The following ADCY2 variants were observed in gnomAD, a reference collection of about 807,000 sequenced individuals.
ADCY2 encodes adenylate cyclase type 2.
In ADCY2, 31 loss-of-function variants were observed where a neutral mutation model predicts 125.2. That is an observed-to-expected ratio of 0.25 (90% CI 0.19 to 0.33). The LOEUF (loss-of-function observed/expected upper bound fraction) is 0.33, where lower values mean the gene tolerates loss of function less well. Among genes scored for constraint, ADCY2 ranks in the 10% least tolerant of loss-of-function variants. The pLI is 1.00. For missense variants in ADCY2, 904 were observed against 1,418.2 expected, an observed-to-expected ratio of 0.64 and a Z score of 5.82; for synonymous variants, 512 against 548.4, an observed-to-expected ratio of 0.93 and a Z score of 0.93.
At chr5:7,426,978 A>G (rs753837445) in intron 2 of ADCY2, among the ~76,000 whole-genome samples, 3 of 152,168 alleles carry the variant, frequency 2.0e-5, no homozygotes, top group Non-Finnish European at 4.4e-5. Flanking sequence ...TGCTGCATTC[A>G]TGTCCCAGGG....
chr5:7,823,902 G>A (rs2126544056), intron 24 of ADCY2, among the ~76,000 whole-genome samples: 1 of 152,278 alleles, frequency 6.6e-6, no homozygotes, highest in East Asian at 1.9e-4. Context: ...CTCAGGGCAG[G>A]TCGGCCACCT....
chr5:7,437,016 G>C (rs749524255), intron 2 of ADCY2, among the ~76,000 whole-genome samples: 9 of 152,258 alleles, frequency 5.9e-5, no homozygotes, highest in Non-Finnish European at 1.0e-4. Context: ...CCTCTAAAGG[G>C]GCCACCAGGA....
At chr5:7,516,944 G>A (rs1403384737) in intron 2 of ADCY2, among the ~76,000 whole-genome samples, 2 of 152,108 alleles carry the variant, frequency 1.3e-5, no homozygotes, top group Admixed American at 6.5e-5. Flanking sequence ...GTGGCTGTGA[G>A]GAGAGAATTT....
chr5:7,523,214 G>T (rs1744522526), intron 3 of ADCY2, among the ~76,000 whole-genome samples: 2 of 151,942 alleles, frequency 1.3e-5, no homozygotes, highest in Non-Finnish European at 1.5e-5. Context: ...AAGGGAAAAG[G>T]AAGTACTGCA....
At chr5:7,735,393 C>G (rs2126416658) in intron 14 of ADCY2, among the ~76,000 whole-genome samples, 1 of 152,334 alleles carries the variant, frequency 6.6e-6, no homozygotes, top group African/African-American at 2.4e-5. Flanking sequence ...AGCACACATC[C>G]TTTCTTATTC....
Position 7,826,909 on chromosome 5 carries a change from A to T in ADCY2, c.*38A>T. 1 of 1,572,620 alleles carries T rather than the reference A, an allele frequency of 6.4e-7. No homozygotes were observed. The highest frequency in any genetic ancestry group is 8.6e-7 in the Non-Finnish European group (1 of 1,162,104). On this transcript the variant is annotated 3_prime_UTR_variant, in exon 25 of 25. Coordinates refer to ENST00000338316, the MANE Select transcript of ADCY2 (RefSeq NM_020546.3). The stretch of plus-strand genomic sequence containing the variant: ...ATTTTGGCAAGAAGACTGTATTTTC[A>T]GGAAGGTATCACACACTTTCTGACT...
chr5:7,491,126 G>T (rs78611699), intron 2 of ADCY2, among the ~76,000 whole-genome samples: 7,122 of 152,126 alleles, frequency 0.047, 584 homozygotes, highest in African/African-American at 0.16. Flanking sequence ...ATTGATAAAT[G>T]GTAGCTGAGT....
At chr5:7,507,387 G>A (rs1397001239) in intron 2 of ADCY2, among the ~76,000 whole-genome samples, 2 of 123,666 alleles carry the variant, frequency 1.6e-5, no homozygotes, top group African/African-American at 6.5e-5. Flanking sequence ...CTTGCAGTGA[G>A]CCGAGATCAT....
In ADCY2 at chr5:7,465,396, CTTG is replaced by C. The variant is rs568943334; in HGVS notation, c.408+50632_408+50634del. ...TAAAGCAGAGTCAGTATCCACCTTC[CTTG>C]TTGTTCAAAGTAAGCCACTTTCTCC... On this transcript the variant is annotated intron_variant, in intron 2 of 24. Transcript: ENST00000338316. Among the ~76,000 whole-genome samples, 303 of 152,272 alleles carry C rather than the reference CTTG, an allele frequency of 2.0e-3. 4 individuals are homozygous for C. The highest frequency in any genetic ancestry group is 6.7e-3 in the African/African-American group (279 of 41,546).
At position 7,825,719 on chromosome 5, in the gene ADCY2, C is replaced by T. The variant is rs186655694; in HGVS notation, c.3124-1000C>T. The stretch of plus-strand genomic sequence containing the variant: ...AAGCTGAGGCCTCACCCTCAGACCA[C>T]GCCTGTGTGTCTCACTGGTTCTCTG... On this transcript the variant is annotated intron_variant, in intron 24 of 24. Coordinates refer to ENST00000338316, the MANE Select transcript of ADCY2 (RefSeq NM_020546.3). Among the ~76,000 whole-genome samples the T allele has an allele frequency of 4.6e-5, 7 of 152,332 alleles. No homozygotes were observed. The East Asian group carries it at 7.7e-4, about 17-fold the overall frequency.
At chr5:7,771,648 A>G (rs928699411) in intron 17 of ADCY2, among the ~76,000 whole-genome samples, 1 of 152,102 alleles carries the variant, frequency 6.6e-6, no homozygotes, top group Admixed American at 6.6e-5. Context: ...CCTATTCCCA[A>G]CTTTTCTTTC....
At chr5:7,679,237 G>T (rs1269558200) in intron 4 of ADCY2, among the ~76,000 whole-genome samples, 1 of 152,176 alleles carries the variant, frequency 6.6e-6, no homozygotes, top group Non-Finnish European at 1.5e-5. Context: ...GGACTGGGTG[G>T]AAATGACGTG....
intron 12 of ADCY2, among the ~76,000 whole-genome samples, chr5:7,721,826 T>C (rs4702491): frequency 0.97 from 148,166 of 152,246 alleles, 72,223 homozygotes; most frequent in Middle Eastern, 1. Context: ...AGTCAGGTAG[T>C]GTGATACCTC....
intron 3 of ADCY2, among the ~76,000 whole-genome samples, chr5:7,601,607 A>G (rs80251768): frequency 1.1e-3 from 175 of 152,220 alleles, no homozygotes; most frequent in Non-Finnish European, 2.1e-3. Context: ...GCCTTCTGCT[A>G]AAGGAAAATC....
intron 7 of ADCY2, among the ~76,000 whole-genome samples, chr5:7,704,177 A>C (rs2126345052): frequency 6.6e-6 from 1 of 152,016 alleles, no homozygotes; most frequent in East Asian, 1.9e-4. Flanking sequence ...CCAGACAGGA[A>C]TTTTCATTTT....
chr5:7,589,460 A>AAG, intron 3 of ADCY2, among the ~76,000 whole-genome samples: 1 of 43,500 alleles, frequency 2.3e-5, no homozygotes, highest in Admixed American at 3.0e-4. Context: ...AGGAAAGAAA[A>AAG]AGAAAGAAAG....
intron 3 of ADCY2, among the ~76,000 whole-genome samples, chr5:7,541,159 A>G (rs1287874873): frequency 1.3e-5 from 2 of 152,186 alleles, no homozygotes; most frequent in Non-Finnish European, 2.9e-5. Context: ...CCTGAGTCAC[A>G]ATCCAGTTTC....
At chr5:7,643,081 T>G (rs1483631784) in intron 4 of ADCY2, among the ~76,000 whole-genome samples, 1 of 152,000 alleles carries the variant, frequency 6.6e-6, no homozygotes, top group African/African-American at 2.4e-5. Context: ...GTGGTAGGAT[T>G]TTTTTTTCAG....
At chr5:7,644,893 G>A (rs997159829) in intron 4 of ADCY2, among the ~76,000 whole-genome samples, 4 of 152,194 alleles carry the variant, frequency 2.6e-5, no homozygotes, top group Middle Eastern at 3.4e-3. Flanking sequence ...ATCCTCCCAA[G>A]GCACAGTTAG....
Sources: gnomAD v4.1 joint callset for allele counts (sites outside exome capture counted in the v4.1 genomes callset) on GRCh38, gnomAD v4.1.1 for gene constraint, MANE v1.5 for transcripts, NCBI Gene and HGNC (gene_info 2026-07-23, HGNC 2026-07-21) for gene names.